The following CSMD1 variants were observed in gnomAD, a reference collection of about 807,000 sequenced individuals.
The protein encoded by CSMD1 is CUB and sushi domain-containing protein 1.
CSMD1 carries 213 observed loss-of-function variants against 417.5 expected under a neutral mutation model. The observed-to-expected ratio is 0.51, with a 90% CI of 0.46 to 0.57. The LOEUF is 0.57. Among genes scored for constraint, CSMD1 ranks in the 20% least tolerant of loss-of-function variants. The pLI, the probability that CSMD1 is intolerant of heterozygous loss-of-function variation, is 0.00. For missense variants in CSMD1, 6,923 were observed against 4,529.7 expected (o/e 1.53, Z -15.17); for synonymous variants, 2,862 against 1,736.8 (o/e 1.65, Z -16.11).
At chr8:4,070,579 G>A (rs865837048) in intron 3 of CSMD1, among the ~76,000 whole-genome samples, 30 of 152,078 alleles carry the variant, frequency 2.0e-4, no homozygotes, top group African/African-American at 5.1e-4. Flanking sequence ...GGATGGTCTC[G>A]TTCTCCTGAC....
intron 52 of CSMD1, among the ~76,000 whole-genome samples, chr8:3,014,337 G>A (rs2128965471): frequency 6.6e-6 from 1 of 152,294 alleles, no homozygotes; most frequent in Non-Finnish European, 1.5e-5. Flanking sequence ...AGTTACTTAT[G>A]AAGAATATGC....
At chr8:3,305,469 G>C (rs1329934773) in intron 25 of CSMD1, among the ~76,000 whole-genome samples, 1 of 150,994 alleles carries the variant, frequency 6.6e-6, no homozygotes, top group Admixed American at 6.6e-5. Context: ...CTCATGAAGG[G>C]ATTAATGCTG....
At chr8:4,169,202 C>A (rs1260945069) in intron 3 of CSMD1, among the ~76,000 whole-genome samples, 2 of 152,102 alleles carry the variant, frequency 1.3e-5, no homozygotes, top group Non-Finnish European at 2.9e-5. Flanking sequence ...GTGTACGTCA[C>A]CAACACATGT....
At chr8:4,456,207 A>G (rs980238885) in intron 2 of CSMD1, among the ~76,000 whole-genome samples, 5 of 152,116 alleles carry the variant, frequency 3.3e-5, no homozygotes, top group African/African-American at 4.8e-5. Flanking sequence ...AGGTTTTTAA[A>G]GCTTGGGCCA....
At chr8:4,678,415 AC>A (rs894548921) in intron 1 of CSMD1, among the ~76,000 whole-genome samples, 10 of 150,646 alleles carry the variant, frequency 6.6e-5, no homozygotes, top group African/African-American at 2.5e-4. Flanking sequence ...TGTCTCAACA[AC>A]AAAAAAAAAG....
At chr8:4,277,409 C>T (rs913131713) in intron 3 of CSMD1, among the ~76,000 whole-genome samples, 4 of 152,148 alleles carry the variant, frequency 2.6e-5, no homozygotes, top group South Asian at 2.1e-4. Context: ...GCCCCCATTT[C>T]CCCATCAACT....
chr8:4,319,768 G>T (rs547124529), intron 3 of CSMD1, among the ~76,000 whole-genome samples: 9 of 152,038 alleles, frequency 5.9e-5, no homozygotes, highest in African/African-American at 2.2e-4. Flanking sequence ...TAGAGTTGCC[G>T]GGCAAAATAC....
intron 1 of CSMD1, among the ~76,000 whole-genome samples, chr8:4,915,188 A>G (rs1048326844): frequency 6.6e-6 from 1 of 152,132 alleles, no homozygotes; most frequent in African/African-American, 2.4e-5. Flanking sequence ...ATGCATATAT[A>G]CACATACATA....
chr8:3,413,279 TA>T (rs1812930272), intron 12 of CSMD1, among the ~76,000 whole-genome samples: 1 of 152,210 alleles, frequency 6.6e-6, no homozygotes, highest in Non-Finnish European at 1.5e-5. Context: ...CTATTTTTAA[TA>T]TTAATTAACT....
rs73179576 is a variant in CSMD1 at position 2,942,276 on chromosome 8, A to C, written c.10535+196T>G. Among the ~76,000 whole-genome samples the C allele has an allele frequency of 1.3e-3, 197 of 152,130 alleles. No individual in the cohort carries two copies. The highest frequency in any genetic ancestry group is 4.1e-3 in the Admixed American group (63 of 15,264). ...CATGCAGCAGACCACCCCGGCTTAC[A>C]TTTAACTAGGTAACAAACCTGCACA... is the stretch of plus-strand genomic sequence containing the variant. On this transcript the variant is annotated intron_variant, in intron 69 of 69. Coordinates refer to ENST00000635120, the MANE Select transcript of CSMD1 (RefSeq NM_033225.6).
At chr8:3,412,302 G>A (rs1250763514) in intron 12 of CSMD1, among the ~76,000 whole-genome samples, 1 of 151,798 alleles carries the variant, frequency 6.6e-6, no homozygotes. Context: ...ATAAATATGT[G>A]TGTGCAAGTA....
intron 26 of CSMD1, among the ~76,000 whole-genome samples, chr8:3,250,180 G>T (rs915835751): frequency 6.6e-6 from 1 of 152,168 alleles, no homozygotes; most frequent in Admixed American, 6.5e-5. Flanking sequence ...TTAACATTAG[G>T]TATGTCTCCA....
At chr8:4,252,640 C>T (rs891947366) in intron 3 of CSMD1, among the ~76,000 whole-genome samples, 1 of 152,190 alleles carries the variant, frequency 6.6e-6, no homozygotes, top group Non-Finnish European at 1.5e-5. Flanking sequence ...CCAGAAGTAA[C>T]ACCCAGTTTA....
In CSMD1 at chr8:3,931,904, G is replaced by GAA. The variant is rs749093840; in HGVS notation, c.818+65997_818+65998dup. On this transcript the variant is annotated intron_variant, in intron 5 of 69. Coordinates refer to ENST00000635120, the MANE Select transcript of CSMD1 (RefSeq NM_033225.6). ...GTCAGACATTGTAGGAAAAGAAACA[G>GAA]AAAAAAAAAAAAGATCACAGAACCC... is the stretch of plus-strand genomic sequence containing the variant. Among the ~76,000 whole-genome samples the GAA allele has an allele frequency of 1.3e-3, 169 of 125,258 alleles. 7 individuals are homozygous for GAA. Among genetic ancestry groups the GAA allele is most frequent in the African/African-American group, 4.1e-3 (140 of 33,844 alleles). 82.2% of individuals were successfully genotyped at this position (125,258 alleles called of 152,430 possible). A position where few individuals can be genotyped will look rare whatever the true frequency, so the allele number is the denominator to read the frequency against.
At chr8:4,612,704 A>C (rs1801246949) in intron 2 of CSMD1, among the ~76,000 whole-genome samples, 1 of 152,142 alleles carries the variant, frequency 6.6e-6, no homozygotes, top group Non-Finnish European at 1.5e-5. Flanking sequence ...TGCCACTCTC[A>C]GGGTATGGAG....
At chr8:4,571,547 G>A (rs546207037) in intron 2 of CSMD1, among the ~76,000 whole-genome samples, 1 of 152,140 alleles carries the variant, frequency 6.6e-6, no homozygotes, top group Non-Finnish European at 1.5e-5. Flanking sequence ...TTGCTGAGGA[G>A]TGTTTTATTT....
intron 26 of CSMD1, among the ~76,000 whole-genome samples, chr8:3,253,609 G>C (rs1287450423): frequency 2.0e-5 from 3 of 152,172 alleles, no homozygotes; most frequent in Admixed American, 1.3e-4. Context: ...TCATTGATCT[G>C]TCTAAAGTTG....
At chr8:4,157,026 G>C (rs1413626499) in intron 3 of CSMD1, among the ~76,000 whole-genome samples, 1 of 152,078 alleles carries the variant, frequency 6.6e-6, no homozygotes, top group African/African-American at 2.4e-5. Flanking sequence ...AGGCATTGAG[G>C]GGCATGTTAT....
At chr8:4,187,026 T>A (rs1472074357) in intron 3 of CSMD1, among the ~76,000 whole-genome samples, 2 of 152,104 alleles carry the variant, frequency 1.3e-5, no homozygotes, top group East Asian at 3.9e-4. Context: ...TCTTCTTCCT[T>A]TATAGAACAG....
Sources: allele counts gnomAD v4.1 joint callset (sites outside exome capture counted in the v4.1 genomes callset), GRCh38; gene constraint gnomAD v4.1.1; transcripts MANE v1.5; gene names NCBI Gene and HGNC (gene_info 2026-07-23, HGNC 2026-07-21).